DGKB: variants seen among roughly 807,000 people sequenced by gnomAD.
DGKB encodes diacylglycerol kinase beta.
Under a neutral mutation model 114.3 loss-of-function variants are expected in DGKB, and 67 were observed. The ratio of observed to expected loss-of-function variants is 0.59; its 90% CI spans 0.48 to 0.72. DGKB has a LOEUF of 0.72. Among genes scored for constraint, DGKB ranks in the 30% least tolerant of loss-of-function variants. The pLI, the probability that DGKB is intolerant of heterozygous loss-of-function variation, is 0.00. For missense variants in DGKB, 907 were observed against 975.2 expected (o/e 0.93, Z 0.93); for synonymous variants, 398 against 323.1 (o/e 1.23, Z -2.49).
At chr7:14,227,591 TAGA>T (rs1378083416) in intron 23 of DGKB, among the ~76,000 whole-genome samples, 1 of 151,760 alleles carries the variant, frequency 6.6e-6, no homozygotes, top group Non-Finnish European at 1.5e-5. Flanking sequence ...ACACAGAAAA[TAGA>T]AGAAGGAAGG....
chr7:14,730,104 C>G (rs141492909), intron 5 of DGKB, among the ~76,000 whole-genome samples: 301 of 152,284 alleles, frequency 2.0e-3, no homozygotes, highest in Middle Eastern at 0.01. Flanking sequence ...CAGAAACAAA[C>G]AGTATGAGTG....
At chr7:14,805,742 A>G (rs907749282) in intron 2 of DGKB, among the ~76,000 whole-genome samples, 1 of 151,764 alleles carries the variant, frequency 6.6e-6, no homozygotes, top group African/African-American at 2.4e-5. Context: ...TGAACTTGCA[A>G]TTCTATCTTG....
chr7:14,301,697 A>T (rs958816402), intron 23 of DGKB, among the ~76,000 whole-genome samples: 1 of 152,194 alleles, frequency 6.6e-6, no homozygotes, highest in Non-Finnish European at 1.5e-5. Context: ...GTGTACACAC[A>T]CACACATACA....
intron 9 of DGKB, among the ~76,000 whole-genome samples, chr7:14,690,123 T>A (rs1352430724): frequency 1.3e-5 from 2 of 152,226 alleles, no homozygotes; most frequent in Non-Finnish European, 2.9e-5. Context: ...ATAATATAAA[T>A]TCAGGAATTT....
upstream of DGKB, among the ~76,000 whole-genome samples, chr7:14,905,243 AGT>A (rs1491174013): frequency 2.7e-5 from 1 of 37,428 alleles, no homozygotes; most frequent in East Asian, 6.9e-4. Context: ...CCATCTTGTT[AGT>A]TTTTTTTTTT....
intron 22 of DGKB, among the ~76,000 whole-genome samples, chr7:14,341,771 A>C (rs1811642980): frequency 6.6e-6 from 1 of 151,904 alleles, no homozygotes; most frequent in Admixed American, 6.6e-5. Flanking sequence ...TGTTAAAAAC[A>C]AGCTTTATAT....
intron 12 of DGKB, among the ~76,000 whole-genome samples, chr7:14,677,847 T>C (rs1417864066): frequency 1.3e-5 from 2 of 152,070 alleles, no homozygotes; most frequent in East Asian, 1.9e-4. Flanking sequence ...AGTTTTCCAC[T>C]GATCTTTCCT....
upstream of DGKB, among the ~76,000 whole-genome samples, chr7:14,905,244 G>GGT (rs1491341642): frequency 4.9e-3 from 681 of 139,352 alleles, 8 homozygotes; most frequent in South Asian, 0.02. Context: ...CATCTTGTTA[G>GGT]TTTTTTTTTT....
chr7:14,966,464 G>A (rs1787157947), intron 1 of DGKB, among the ~76,000 whole-genome samples: 1 of 146,660 alleles, frequency 6.8e-6, no homozygotes, highest in Admixed American at 6.8e-5. Flanking sequence ...ATATATATAT[G>A]TACATTATTA....
At chr7:14,241,855 A>G (rs1793693388) in intron 23 of DGKB, among the ~76,000 whole-genome samples, 1 of 152,026 alleles carries the variant, frequency 6.6e-6, no homozygotes, top group South Asian at 2.1e-4. Context: ...ATATCTCACA[A>G]TAAATTATTT....
chr7:14,526,775 T>C (rs1376275043), intron 20 of DGKB, among the ~76,000 whole-genome samples: 1 of 152,072 alleles, frequency 6.6e-6, no homozygotes, highest in Non-Finnish European at 1.5e-5. Flanking sequence ...AAAGAATGAA[T>C]TCTAAACCTC....
At chr7:14,169,677 C>T (rs1780553955) in intron 25 of DGKB, among the ~76,000 whole-genome samples, 1 of 152,064 alleles carries the variant, frequency 6.6e-6, no homozygotes, top group Non-Finnish European at 1.5e-5. Flanking sequence ...GTAAGATCAT[C>T]ATAGCTGTGT....
At chr7:14,676,108 C>G (rs1293565335) in intron 12 of DGKB, among the ~76,000 whole-genome samples, 1 of 152,000 alleles carries the variant, frequency 6.6e-6, no homozygotes, top group African/African-American at 2.4e-5. Context: ...TAAAATTGCT[C>G]TAAATCATAA....
intron 25 of DGKB, among the ~76,000 whole-genome samples, chr7:14,154,824 T>C (rs1782750045): frequency 6.6e-6 from 1 of 151,188 alleles, no homozygotes; most frequent in Non-Finnish European, 1.5e-5. Context: ...ATGGCTATTT[T>C]TCTTGCAAGT....
intron 17 of DGKB, among the ~76,000 whole-genome samples, chr7:14,594,578 C>T (rs1198456117): frequency 6.6e-6 from 1 of 151,940 alleles, no homozygotes; most frequent in Non-Finnish European, 1.5e-5. Context: ...TTTTATGGTC[C>T]AAATTCATCA....
In DGKB at chr7:14,960,879, A is replaced by C. The variant is rs143045968; in HGVS notation, c.-188+13817T>G. Reference sequence around the variant, plus strand: ...ATATTTCTCTTGTCAAATTAAGCCAAAGATAAGCCATTGGTAAATGTTTTA... The same window carrying C: ...ATATTTCTCTTGTCAAATTAAGCCACAGATAAGCCATTGGTAAATGTTTTA... On this transcript the variant is annotated intron_variant, in intron 1 of 4. Coordinates refer to the DGKB transcript ENST00000437998. Among the ~76,000 whole-genome samples, 477 of 152,242 alleles carry C rather than the reference A, an allele frequency of 3.1e-3. 3 individuals carry two copies. Among genetic ancestry groups the C allele is most frequent in the Middle Eastern group, 0.017 (5 of 294 alleles).
chr7:14,383,613 G>A lies in DGKB; in HGVS notation c.1836-38222C>T, dbSNP rs150588073. Among the ~76,000 whole-genome samples, 35 of 152,194 alleles carry A rather than the reference G, an allele frequency of 2.3e-4. No individual in the cohort carries two copies. The East Asian group carries it at 6.0e-3, about 26-fold the overall frequency. The stretch of plus-strand genomic sequence containing the variant: ...AAAGTGGGTTCTTTTGCTCCAGCCC[G>A]CGTATCAATGTACCAGGCCAGTAGA... On this transcript the variant is annotated intron_variant, in intron 21 of 25. Transcript: ENST00000402815.
chr7:14,253,187 A>G (rs906185282), intron 23 of DGKB, among the ~76,000 whole-genome samples: 1 of 152,006 alleles, frequency 6.6e-6, no homozygotes, highest in Non-Finnish European at 1.5e-5. Context: ...AGTGTGTGCC[A>G]CCATGCTGCA....
chr7:14,729,199 TGCAA>T (rs1477992343), intron 5 of DGKB, among the ~76,000 whole-genome samples: 12 of 145,346 alleles, frequency 8.3e-5, no homozygotes, highest in African/African-American at 3.1e-4. Flanking sequence ...CTCGGCTCAC[TGCAA>T]GCTCCGCCTC....
Sources: gnomAD v4.1 joint callset for allele counts (sites outside exome capture counted in the v4.1 genomes callset) on GRCh38, gnomAD v4.1.1 for gene constraint, MANE v1.5 for transcripts, NCBI Gene and HGNC (gene_info 2026-07-23, HGNC 2026-07-21) for gene names.